Variants in MBTPS2 observed in about 807,000 individuals in gnomAD.
MBTPS2 encodes membrane bound transcription factor peptidase, site 2.
MBTPS2 carries 2 observed loss-of-function variants against 35.4 expected under a neutral mutation model. That is an observed-to-expected ratio of 0.06 (90% CI 0.02 to 0.18). MBTPS2 has a LOEUF of 0.18. Among genes scored for constraint, MBTPS2 ranks in the 10% least tolerant of loss-of-function variants. The pLI is 1.00. For missense variants in MBTPS2, 244 were observed against 386.5 expected, an observed-to-expected ratio of 0.63 and a Z score of 3.09; for synonymous variants, 125 against 140.4, an observed-to-expected ratio of 0.89 and a Z score of 0.77.
chrX:21,861,456 TTGA>T (rs2092931209), intron 5 of MBTPS2, among the ~76,000 whole-genome samples: 1 of 111,710 alleles, frequency 9.0e-6, no homozygotes, highest in African/African-American at 3.3e-5. Context: ...TATAAATAAG[TTGA>T]TATGTTAATA....
chrX:21,852,415 T>A (rs2092915752), intron 4 of MBTPS2, among the ~76,000 whole-genome samples: 1 of 111,607 alleles, frequency 9.0e-6, no homozygotes, highest in African/African-American at 3.3e-5. Context: ...TGAACAAGAG[T>A]CTATTTATTG....
Position 21,878,132 on chromosome X carries a change from G to A in MBTPS2, c.1061G>A (p.Arg354His), listed in dbSNP as rs764440472. 5.9e-5 allele frequency: 70 copies of A among 1,179,675 alleles called. No homozygotes were observed. The highest frequency in any genetic ancestry group is 4.6e-4 in the Middle Eastern group (2 of 4,313). ...TCCTACAGAAATAATTTTAATAAGC[G>A]TTTGGTAAGTTGTCCCTGAAGCAGT... ...CFSYRNNFNK[R>H]LHTCLPARKA... Residue 354 changes from arginine (R) to histidine (H), a missense_variant, in exon 8 of 11, where the codon CGT becomes CAT. Coordinates refer to ENST00000379484, the MANE Select transcript of MBTPS2 (RefSeq NM_015884.4).
intron 7 of MBTPS2, among the ~76,000 whole-genome samples, chrX:21,877,698 A>G (rs759597049): frequency 8.9e-6 from 1 of 111,905 alleles, no homozygotes; most frequent in African/African-American, 3.2e-5. Flanking sequence ...GATCATTGGC[A>G]TTCAGGCACA....
intron 5 of MBTPS2, among the ~76,000 whole-genome samples, chrX:21,855,641 A>C (rs925704027): frequency 9.0e-6 from 1 of 110,860 alleles, no homozygotes; most frequent in African/African-American, 3.3e-5. Context: ...CATGTTGGCT[A>C]GGCTGGTCTC....
At chrX:21,849,392 T>C (rs1268902838) in intron 3 of MBTPS2, among the ~76,000 whole-genome samples, 1 of 111,494 alleles carries the variant, frequency 9.0e-6, no homozygotes, top group Non-Finnish European at 1.9e-5. Flanking sequence ...GACCAAAAAA[T>C]GGTCAAAAGT....
rs768161061 is a variant in MBTPS2, at chrX:21,884,653, C to T, written c.*1998C>T. 1.2e-4 allele frequency: 90 copies of T among 747,870 alleles called. No individual in the cohort carries two copies. The African/African-American group carries it at 1.9e-3, about 16-fold the overall frequency. The allele number at this position is 747,870 out of a possible 1,213,427, so 61.6% of individuals were successfully genotyped here. A position where few individuals can be genotyped will look rare whatever the true frequency, so the allele number is the denominator to read the frequency against. On this transcript the variant is annotated 3_prime_UTR_variant, in exon 11 of 11. Transcript: ENST00000379484. ...TCATTATGTAAGAAAGAAAATGTTA[C>T]GTGTTTTCTTCTTTAGCTTGGTTGT...
At chrX:21,842,437 T>G (rs1250610987) in intron 1 of MBTPS2, among the ~76,000 whole-genome samples, 2 of 110,782 alleles carry the variant, frequency 1.8e-5, no homozygotes, top group African/African-American at 6.6e-5. Context: ...GTAGGGTTTT[T>G]TTTTTTTTAA....
At position 21,883,516 on chromosome X, in the gene MBTPS2, T is replaced by C; in HGVS notation, c.*861T>C. ...CAGCAGTCCTACTTCCCATTCTCTATAGAGCTTTGAAGCTTGGAACCCTTC... is the reference window on the plus strand; with the variant it reads ...CAGCAGTCCTACTTCCCATTCTCTACAGAGCTTTGAAGCTTGGAACCCTTC... On this transcript the variant is annotated 3_prime_UTR_variant, in exon 11 of 11. Transcript: ENST00000379484. The C allele has an allele frequency of 1.3e-6, 1 of 753,806 alleles. No homozygotes were observed. Among genetic ancestry groups the C allele is most frequent in the Non-Finnish European group, 1.6e-6 (1 of 639,119 alleles). 62.1% of individuals were successfully genotyped at this position (753,806 alleles called of 1,213,427 possible). A position where few individuals can be genotyped will look rare whatever the true frequency, so the allele number is the denominator to read the frequency against.
chrX:21,850,557 T>G (rs937013512), intron 3 of MBTPS2, among the ~76,000 whole-genome samples: 1 of 111,516 alleles, frequency 9.0e-6, no homozygotes, highest in Admixed American at 9.6e-5. Context: ...ACTCCTGGAC[T>G]GTAAGAAATA....
At chrX:21,842,022 A>G (rs1475164079) in intron 1 of MBTPS2, 1 of 112,343 alleles carries the variant, frequency 8.9e-6, no homozygotes, top group Non-Finnish European at 1.9e-5. Flanking sequence ...ATAATACTAC[A>G]GATCCAAAGC....
At chrX:21,853,258 CTT>C (rs767320497) in intron 4 of MBTPS2, 116 bp from the exon 5 acceptor site, 1 of 513,584 alleles carries the variant, frequency 1.9e-6, no homozygotes, top group Non-Finnish European at 3.1e-6. Context: ...TTCAGAGAGA[CTT>C]TCTGTTTTTT....
chrX:21,884,029 G>T lies in MBTPS2; in HGVS notation c.*1374G>T. 1.3e-6 allele frequency: 1 copy of T among 753,996 alleles called. No homozygotes were observed. Among genetic ancestry groups the T allele is most frequent in the Non-Finnish European group, 1.6e-6 (1 of 638,960 alleles). 62.1% of individuals were successfully genotyped at this position (753,996 alleles called of 1,213,427 possible). ...TAGCCATCTATCCAACTTCTTTACT[G>T]AGTGATGTATTCCATGGGGTTACCT... On this transcript the variant is annotated 3_prime_UTR_variant, in exon 11 of 11. Transcript: ENST00000379484.
At position 21,883,128 on chromosome X, in the gene MBTPS2, A is replaced by G; in HGVS notation, c.*473A>G. ...TTGTCCTTTGTCTTGTTTGAAAAGT[A>G]TTTTAAAACTTAATGGTGTATTATT... On this transcript the variant is annotated 3_prime_UTR_variant, in exon 11 of 11. Coordinates refer to ENST00000379484, the MANE Select transcript of MBTPS2 (RefSeq NM_015884.4). The G allele has an allele frequency of 1.3e-6, 1 of 766,408 alleles. No individual in the cohort carries two copies. The highest frequency in any genetic ancestry group is 1.6e-6 in the Non-Finnish European group (1 of 644,629). The allele number at this position is 766,408 out of a possible 1,213,427, so 63.2% of individuals were successfully genotyped here.
chrX:21,868,823 T>C (rs1449766073), intron 6 of MBTPS2, among the ~76,000 whole-genome samples: 1 of 112,577 alleles, frequency 8.9e-6, no homozygotes, highest in East Asian at 2.8e-4. Flanking sequence ...AGTATCAAGA[T>C]TTTCTACCTG....
chrX:21,869,853 G>A, intron 7 of MBTPS2, 175 bp downstream of exon 7: 1 of 434,349 alleles, frequency 2.3e-6, no homozygotes, highest in South Asian at 3.7e-5. Flanking sequence ...GCTAATATGT[G>A]TTTCCTTTAT....
At chrX:21,861,712 CA>C (rs200607987) in intron 5 of MBTPS2, among the ~76,000 whole-genome samples, 5 of 104,866 alleles carry the variant, frequency 4.8e-5, no homozygotes, top group East Asian at 3.0e-4. Context: ...AAAAAACAAA[CA>C]AAAAAAAACA....
At chrX:21,877,617 G>A (rs1436213354) in intron 7 of MBTPS2, among the ~76,000 whole-genome samples, 1 of 111,534 alleles carries the variant, frequency 9.0e-6, no homozygotes, top group African/African-American at 3.3e-5. Context: ...GATATAATGG[G>A]GATGTCTTAG....
chrX:21,857,484 A>C, intron 5 of MBTPS2: 1 of 1,212,031 alleles, frequency 8.3e-7, no homozygotes, highest in Non-Finnish European at 1.1e-6. Flanking sequence ...ACACTTGCGC[A>C]TCCACACCGG....
Position 21,885,403 on chromosome X carries a change from T to C in MBTPS2, c.*2748T>C. The C allele has an allele frequency of 1.3e-6, 1 of 751,800 alleles. No individual in the cohort carries two copies. The highest frequency in any genetic ancestry group is 1.6e-6 in the Non-Finnish European group (1 of 636,828). The allele number at this position is 751,800 out of a possible 1,213,427, so 62.0% of individuals were successfully genotyped here. A position where few individuals can be genotyped will look rare whatever the true frequency, so the allele number is the denominator to read the frequency against. On this transcript the variant is annotated 3_prime_UTR_variant, in exon 11 of 11. Coordinates refer to ENST00000379484, the MANE Select transcript of MBTPS2 (RefSeq NM_015884.4). Reference sequence around the variant, plus strand: ...ATGTTTAGCAATAAAAGAATAAATGTGTACCAGCATTTTATGTTTATCATC... The same window carrying C: ...ATGTTTAGCAATAAAAGAATAAATGCGTACCAGCATTTTATGTTTATCATC...
Sources: gnomAD v4.1 joint callset for allele counts (sites outside exome capture counted in the v4.1 genomes callset) on GRCh38, gnomAD v4.1.1 for gene constraint, MANE v1.5 for transcripts, NCBI Gene and HGNC (gene_info 2026-07-23, HGNC 2026-07-21) for gene names.